Variants in ATP8A2 observed in about 807,000 individuals in gnomAD.
ATP8A2 encodes phospholipid-transporting ATPase IB.
In ATP8A2, 100 loss-of-function variants were observed where a neutral mutation model predicts 165.6. The ratio of observed to expected loss-of-function variants is 0.60; its 90% CI spans 0.51 to 0.71. The LOEUF is 0.71. Among genes scored for constraint, ATP8A2 ranks in the 30% least tolerant of loss-of-function variants. ATP8A2 has a pLI of 0.00. For missense variants in ATP8A2, 1,227 were observed against 1,479.5 expected, an observed-to-expected ratio of 0.83 and a Z score of 2.80; for synonymous variants, 543 against 548.8, an observed-to-expected ratio of 0.99 and a Z score of 0.15.
chr13:25,555,446 A>T (rs2038953132), intron 13 of ATP8A2, among the ~76,000 whole-genome samples: 1 of 152,150 alleles, frequency 6.6e-6, no homozygotes, highest in African/African-American at 2.4e-5. Context: ...AATTTAAAGG[A>T]CATGCATTTC....
At chr13:25,416,179 C>T (rs534811816) in intron 1 of ATP8A2, among the ~76,000 whole-genome samples, 2 of 152,288 alleles carry the variant, frequency 1.3e-5, no homozygotes, top group East Asian at 3.9e-4. Flanking sequence ...CATGTGCTCA[C>T]CTCCACCCAC....
At chr13:25,518,763 A>C (rs1398600131) in intron 2 of ATP8A2, among the ~76,000 whole-genome samples, 3 of 152,224 alleles carry the variant, frequency 2.0e-5, no homozygotes, top group Non-Finnish European at 4.4e-5. Flanking sequence ...AGGTAGACCC[A>C]GACCCATATT....
chr13:25,854,519 G>A (rs535657881), intron 30 of ATP8A2, among the ~76,000 whole-genome samples: 115 of 152,204 alleles, frequency 7.6e-4, no homozygotes, highest in Middle Eastern at 3.4e-3. Context: ...TAGAGATAGG[G>A]TTACCCAGGC....
intron 33 of ATP8A2, among the ~76,000 whole-genome samples, chr13:25,933,103 C>T (rs1954807278): frequency 1.3e-5 from 2 of 152,242 alleles, no homozygotes; most frequent in Non-Finnish European, 2.9e-5. Flanking sequence ...CCACCTTGGC[C>T]TCCCAAAGTA....
intron 24 of ATP8A2, among the ~76,000 whole-genome samples, chr13:25,693,667 C>G (rs2042775305): frequency 2.6e-5 from 1 of 38,812 alleles, no homozygotes; most frequent in Non-Finnish European, 8.4e-5. Flanking sequence ...CCTCAGATCT[C>G]TCTGTCTCTC....
At chr13:25,465,844 G>A (rs575172206) in intron 1 of ATP8A2, among the ~76,000 whole-genome samples, 5 of 143,150 alleles carry the variant, frequency 3.5e-5, no homozygotes, top group South Asian at 2.3e-4. Context: ...GGCTGGACTC[G>A]AACTCCTGGG....
chr13:25,398,039 A>G (rs2033489920), intron 1 of ATP8A2, among the ~76,000 whole-genome samples: 1 of 152,142 alleles, frequency 6.6e-6, no homozygotes, highest in South Asian at 2.1e-4. Flanking sequence ...ATAGATGGTA[A>G]ATGTCTCTTA....
intron 10 of ATP8A2, among the ~76,000 whole-genome samples, chr13:25,545,047 G>A (rs932532542): frequency 2.6e-5 from 4 of 151,888 alleles, no homozygotes; most frequent in Non-Finnish European, 5.9e-5. Context: ...CGTCTGCTTG[G>A]GGGTACTCAA....
chr13:25,972,075 G>A (rs1269499360), intron 35 of ATP8A2, among the ~76,000 whole-genome samples: 1 of 152,088 alleles, frequency 6.6e-6, no homozygotes, highest in Non-Finnish European at 1.5e-5. Flanking sequence ...GTAACCACAG[G>A]AAGTAGAACA....
chr13:25,945,258 G>A (rs1955181790), intron 33 of ATP8A2, among the ~76,000 whole-genome samples: 1 of 151,636 alleles, frequency 6.6e-6, no homozygotes, highest in African/African-American at 2.4e-5. Flanking sequence ...CCTGCAATGT[G>A]CACCTCATTC....
At chr13:25,480,172 A>G (rs1293909712) in intron 2 of ATP8A2, among the ~76,000 whole-genome samples, 2 of 135,084 alleles carry the variant, frequency 1.5e-5, no homozygotes, top group African/African-American at 5.7e-5. Context: ...TGGGGGGCTG[A>G]CCCCCCCACC....
At chr13:26,012,045 T>G (rs1956858766) in intron 35 of ATP8A2, among the ~76,000 whole-genome samples, 1 of 144,822 alleles carries the variant, frequency 6.9e-6, no homozygotes, top group Non-Finnish European at 1.5e-5. Flanking sequence ...GGACTGCTCC[T>G]TAGCCGTCTG....
chr13:25,506,583 C>A (rs187637750), intron 2 of ATP8A2, among the ~76,000 whole-genome samples: 1 of 152,134 alleles, frequency 6.6e-6, no homozygotes, highest in Non-Finnish European at 1.5e-5. Context: ...GCCAATGAGA[C>A]GGGAGCTGAG....
intron 1 of ATP8A2, among the ~76,000 whole-genome samples, chr13:25,424,205 T>C (rs2034378866): frequency 1.3e-5 from 2 of 152,348 alleles, no homozygotes; most frequent in East Asian, 3.9e-4. Flanking sequence ...TCTCACTGCA[T>C]AAAGTGCTTA....
chr13:25,429,727 C>T (rs1413306106), intron 1 of ATP8A2, among the ~76,000 whole-genome samples: 1 of 152,130 alleles, frequency 6.6e-6, no homozygotes, highest in Non-Finnish European at 1.5e-5. Context: ...CCTTTGAGCC[C>T]AGCTGGGAAA....
intron 35 of ATP8A2, among the ~76,000 whole-genome samples, chr13:26,005,431 CTG>C (rs1307382117): frequency 1.3e-5 from 2 of 152,006 alleles, no homozygotes; most frequent in East Asian, 3.9e-4. Flanking sequence ...TTTGTAGTCT[CTG>C]TTTCATTTAT....
chr13:25,864,073 CCATTGGTAAGG>C (rs1376780854), intron 33 of ATP8A2, among the ~76,000 whole-genome samples: 1 of 152,220 alleles, frequency 6.6e-6, no homozygotes, highest in East Asian at 1.9e-4. Flanking sequence ...AGACAACGAT[CCATTGGTAAGG>C]CATTGGTGCT....
chr13:25,394,940 A>G (rs1197004350), intron 1 of ATP8A2, among the ~76,000 whole-genome samples: 1 of 152,052 alleles, frequency 6.6e-6, no homozygotes, highest in Non-Finnish European at 1.5e-5. Context: ...CCCACAATTT[A>G]TTGCCCTTAG....
At chr13:25,946,388 C>G (rs999297511) in intron 33 of ATP8A2, among the ~76,000 whole-genome samples, 2 of 152,224 alleles carry the variant, frequency 1.3e-5, no homozygotes, top group Non-Finnish European at 2.9e-5. Context: ...TGAGCCACAG[C>G]AGTGACCACA....
Sources: gnomAD v4.1 joint callset for allele counts (sites outside exome capture counted in the v4.1 genomes callset) on GRCh38, gnomAD v4.1.1 for gene constraint, MANE v1.5 for transcripts, NCBI Gene and HGNC (gene_info 2026-07-23, HGNC 2026-07-21) for gene names.